The following ANK1 variants were observed in gnomAD, a reference collection of about 807,000 sequenced individuals.
ANK1 encodes ankyrin 1.
ANK1 carries 51 observed loss-of-function variants against 210.4 expected under a neutral mutation model. That is an observed-to-expected ratio of 0.24 (90% CI 0.19 to 0.31). The LOEUF (loss-of-function observed/expected upper bound fraction) is 0.31. Among genes scored for constraint, ANK1 ranks in the 10% least tolerant of loss-of-function variants. ANK1 has a pLI of 1.00. For synonymous variants in ANK1, 967 were observed against 1,025.9 expected (o/e 0.94, Z 1.10); for missense variants, 2,051 against 2,504.4 (o/e 0.82, Z 3.86).
rs189097896 is a variant in ANK1 at position 41,682,631 on chromosome 8, G to A, written c.4537+1913C>T. Reference sequence around the variant, plus strand: ...CCCACACAGGAATTGAGAACCACTCGGGCAAGAATGCCTCAAGGCCTGGTG... The same window carrying A: ...CCCACACAGGAATTGAGAACCACTCAGGCAAGAATGCCTCAAGGCCTGGTG... On this transcript the variant is annotated intron_variant, in intron 37 of 42. Coordinates refer to ENST00000289734, the MANE Select transcript of ANK1 (RefSeq NM_000037.4). Among the ~76,000 whole-genome samples, 9 of 152,328 alleles carry A rather than the reference G, an allele frequency of 5.9e-5. No homozygotes were observed. The East Asian group carries it at 7.7e-4, about 13-fold the overall frequency.
chr8:41,703,791 T>G (rs907101613), intron 20 of ANK1, among the ~76,000 whole-genome samples: 13 of 151,956 alleles, frequency 8.6e-5, no homozygotes, highest in Non-Finnish European at 1.5e-4. Context: ...GCACTCACAC[T>G]TAAGAATGTT....
chr8:41,759,241 C>T (rs968957106), intron 1 of ANK1, among the ~76,000 whole-genome samples: 2 of 152,200 alleles, frequency 1.3e-5, no homozygotes, highest in African/African-American at 4.8e-5. Flanking sequence ...GGCGTGGTGG[C>T]TCAAACCTGT....
chr8:41,696,564 T>C lies in ANK1; in HGVS notation c.2759A>G (p.Asp920Gly), dbSNP rs1158818216. 6.2e-7 allele frequency: 1 copy of C among 1,613,862 alleles called. No homozygotes were observed. Among genetic ancestry groups the C allele is most frequent in the Non-Finnish European group, 8.5e-7 (1 of 1,179,994 alleles). The change falls in exon 26 of 43, where the codon GAC (aspartate) becomes GGC (glycine). Residue 920 changes from aspartate to glycine, a missense_variant. By Grantham distance (94) the Asp-to-Gly change is moderately conservative. Coordinates refer to ENST00000289734, the MANE Select transcript of ANK1 (RefSeq NM_000037.4). Reference sequence around the variant, plus strand: ...TCCTCTCATGGAACCACCCCGGGCGTCAACCATGAAGCTCACCAGAAACCT... The same window carrying C: ...TCCTCTCATGGAACCACCCCGGGCGCCAACCATGAAGCTCACCAGAAACCT... ...HTGFLVSFMV[D>G]ARGGSMRGSR...
In ANK1 at chr8:41,722,501, G is replaced by T. The variant is rs188639363; in HGVS notation, c.909+624C>A. On this transcript the variant is annotated intron_variant, in intron 9 of 42. Transcript: ENST00000289734. ...GGCAGAGGGCCCAGAGCAGGCACAGGCAGCAGTGTGGCTGACAGCTTTCAC... is the reference window on the plus strand; with the variant it reads ...GGCAGAGGGCCCAGAGCAGGCACAGTCAGCAGTGTGGCTGACAGCTTTCAC... 1.8e-4 allele frequency among the ~76,000 whole-genome samples: 28 copies of T among 152,366 alleles called. No homozygotes were observed. In the East Asian group the frequency reaches 4.6e-3, roughly 25 times the overall value.
intron 42 of ANK1, among the ~76,000 whole-genome samples, chr8:41,659,552 T>C (rs1436547748): frequency 1.3e-5 from 2 of 152,270 alleles, no homozygotes; most frequent in East Asian, 3.9e-4. Flanking sequence ...GGATAGTAAA[T>C]TAGGAAGCCT....
intron 1 of ANK1, among the ~76,000 whole-genome samples, chr8:41,788,228 C>A (rs1458981776): frequency 1.3e-5 from 2 of 152,170 alleles, no homozygotes; most frequent in Non-Finnish European, 2.9e-5. Context: ...GCGCCCTTAC[C>A]AGGACATTGG....
chr8:41,669,683 T>C (rs1179098088), intron 38 of ANK1, among the ~76,000 whole-genome samples: 1 of 152,102 alleles, frequency 6.6e-6, no homozygotes, highest in Non-Finnish European at 1.5e-5. Context: ...TACCCCACAT[T>C]GTATTTGTTA....
chr8:41,752,270 T>G (rs1193335337), intron 2 of ANK1, among the ~76,000 whole-genome samples: 1 of 152,170 alleles, frequency 6.6e-6, no homozygotes, highest in East Asian at 1.9e-4. Flanking sequence ...GACTATTTTG[T>G]CTGTCTTGTT....
rs563468710 is a variant in ANK1 at position 41,886,996 on chromosome 8, G to A, written c.126+9359C>T. On this transcript the variant is annotated intron_variant, in intron 1 of 42. Coordinates refer to the ANK1 transcript ENST00000265709. ...AACTGCCTGGGCTCTTGGGGGCCAC[G>A]CTTCAGCTCCACTTTGAGCCAGTAC... Among the ~76,000 whole-genome samples the A allele has an allele frequency of 6.6e-5, 10 of 152,198 alleles. No homozygotes were observed. In the South Asian group the frequency reaches 1.7e-3, roughly 25 times the overall value.
chr8:41,696,631 C>G, intron 25 of ANK1, 44 bp from the exon 26 acceptor site: 2 of 1,610,338 alleles, frequency 1.2e-6, no homozygotes, highest in Non-Finnish European at 8.5e-7. Flanking sequence ...CATCCCCTCT[C>G]GGAGATGGAG....
At chr8:41,747,743 G>A (rs1836544923) in intron 2 of ANK1, among the ~76,000 whole-genome samples, 1 of 152,150 alleles carries the variant, frequency 6.6e-6, no homozygotes, top group Non-Finnish European at 1.5e-5. Context: ...TAGAGAGTGT[G>A]TGTTCCTTGC....
At position 41,661,556 on chromosome 8, in the gene ANK1, C is replaced by T. The variant is rs200742602; in HGVS notation, c.5553G>A (p.Leu1851=). Residue 1851 remains leucine (L), a synonymous_variant, in exon 42 of 43, where the codon CTG becomes CTA. Coordinates refer to ENST00000289734, the MANE Select transcript of ANK1 (RefSeq NM_000037.4). ...GGTCCGGCTGTAGGCCACTCCCTCT[C>T]AGCTCCACCTGCAGACAGCAGCAGA... is the stretch of plus-strand genomic sequence containing the variant. ...DAAQEHEEVE[L]RGSGLQPDLI... is the part of the protein sequence containing the mutation. 6.2e-6 allele frequency: 10 copies of T among 1,613,904 alleles called. No homozygotes were observed. The highest frequency in any genetic ancestry group is 5.1e-6 in the Non-Finnish European group (6 of 1,180,052).
chr8:41,858,864 G>C (rs963873960), intron 1 of ANK1, among the ~76,000 whole-genome samples: 2 of 152,266 alleles, frequency 1.3e-5, no homozygotes, highest in Non-Finnish European at 2.9e-5. Flanking sequence ...CTCATTACCT[G>C]TGTTTGGAAT....
intron 1 of ANK1, among the ~76,000 whole-genome samples, chr8:41,856,351 G>T (rs960057328): frequency 1.3e-5 from 2 of 152,192 alleles, no homozygotes; most frequent in Non-Finnish European, 2.9e-5. Flanking sequence ...ACACCAACAG[G>T]AGTTGTCTTA....
chr8:41,752,703 A>G (rs1254740042), intron 2 of ANK1, among the ~76,000 whole-genome samples: 1 of 151,032 alleles, frequency 6.6e-6, no homozygotes, highest in African/African-American at 2.4e-5. Context: ...CATCCAATCC[A>G]TCACCCAAGC....
intron 20 of ANK1, among the ~76,000 whole-genome samples, chr8:41,703,293 GT>G (rs1255659610): frequency 1.3e-5 from 2 of 151,280 alleles, no homozygotes; most frequent in African/African-American, 4.9e-5. Flanking sequence ...ATTTAATTAT[GT>G]TCAGTTGTAC....
chr8:41,836,048 C>T (rs965531713), intron 1 of ANK1, among the ~76,000 whole-genome samples: 2 of 152,174 alleles, frequency 1.3e-5, no homozygotes, highest in Non-Finnish European at 2.9e-5. Flanking sequence ...GTGTCCAGCA[C>T]AGATGTTCAG....
At chr8:41,703,420 G>GTATATATATATATA (rs1431513474) in intron 20 of ANK1, among the ~76,000 whole-genome samples, 5 of 51,120 alleles carry the variant, frequency 9.8e-5, no homozygotes, top group East Asian at 1.1e-3. Flanking sequence ...GTGTGTGTGT[G>GTATATATATATATA]TGTATATATA....
rs1563703235 is a variant in ANK1 at position 41,763,886 on chromosome 8, TTTC to T, written c.28-5752_28-5750del. Among the ~76,000 whole-genome samples the T allele has an allele frequency of 6.2e-3, 673 of 108,670 alleles. 36 individuals are homozygous for T. Among genetic ancestry groups the T allele is most frequent in the African/African-American group, 0.021 (621 of 29,734 alleles). 71.3% of individuals were successfully genotyped at this position (108,670 alleles called of 152,430 possible). On this transcript the variant is annotated intron_variant, in intron 1 of 42. Coordinates refer to ENST00000289734, the MANE Select transcript of ANK1 (RefSeq NM_000037.4). ...TCTTTCTTCTTTCTTTTTTTCTTTT[TTTC>T]TTTTTTTTTTTTTTTTTTTTTTTTT...
Sources: allele counts gnomAD v4.1 joint callset (sites outside exome capture counted in the v4.1 genomes callset), GRCh38; gene constraint gnomAD v4.1.1; transcripts MANE v1.5; gene names NCBI Gene and HGNC (gene_info 2026-07-23, HGNC 2026-07-21).